The following NIBAN2 variants were observed in gnomAD, a reference collection of about 807,000 sequenced individuals.
NIBAN2 encodes the protein niban apoptosis regulator 2.
Under a neutral mutation model 81.8 loss-of-function variants are expected in NIBAN2, and 36 were observed. The ratio of observed to expected loss-of-function variants is 0.44; its 90% CI spans 0.34 to 0.58. The LOEUF (loss-of-function observed/expected upper bound fraction) is 0.58, where lower values mean the gene tolerates loss of function less well. Among genes scored for constraint, NIBAN2 ranks in the 20% least tolerant of loss-of-function variants. The pLI is 0.02. For missense variants in NIBAN2, 897 were observed against 1,014.1 expected (o/e 0.88, Z 1.57); for synonymous variants, 445 against 441.6 (o/e 1.01, Z -0.10).
At chr9:127,573,095 C>T (rs144731077), upstream of NIBAN2, among the ~76,000 whole-genome samples, 12 of 152,266 alleles carry the variant, frequency 7.9e-5, no homozygotes, top group East Asian at 2.1e-3. Flanking sequence ...TGTATGTATA[C>T]AGCAATCCTT....
chr9:127,528,494 G>T (rs1217865917), intron 2 of NIBAN2, among the ~76,000 whole-genome samples: 1 of 152,150 alleles, frequency 6.6e-6, no homozygotes, highest in Non-Finnish European at 1.5e-5. Flanking sequence ...TCCTGGCTCT[G>T]CGCTGGCCCA....
intron 3 of NIBAN2, among the ~76,000 whole-genome samples, chr9:127,525,968 A>T (rs192291208): frequency 6.6e-6 from 1 of 152,314 alleles, no homozygotes; most frequent in East Asian, 1.9e-4. Flanking sequence ...TAGCTCATAC[A>T]GCAGGGCTAC....
intron 1 of NIBAN2, among the ~76,000 whole-genome samples, chr9:127,538,615 A>T (rs1235166143): frequency 1.4e-5 from 2 of 143,450 alleles, no homozygotes; most frequent in Non-Finnish European, 3.0e-5. Context: ...AGACACAGTG[A>T]GACTCCATCT....
rs1428950849 is a variant in NIBAN2, at chr9:127,563,140, A to G, written c.55+5680T>C. 6.6e-6 allele frequency among the ~76,000 whole-genome samples: 1 copy of G among 152,102 alleles called. No homozygotes were observed. The highest frequency in any genetic ancestry group is 1.5e-5 in the Non-Finnish European group (1 of 68,008). ...CCCTTTGGCAGCGTGTGTGGGAAGG[A>G]CTAGAGGCTCCGAGGAGGCTGGAGC... On this transcript the variant is annotated intron_variant, in intron 1 of 13. Coordinates refer to ENST00000373312, the MANE Select transcript of NIBAN2 (RefSeq NM_022833.4). The surrounding 1 kb of genome is among the most constrained non-coding windows in gnomAD (Gnocchi z 4.1).
rs1387263891 is a variant in NIBAN2, at chr9:127,509,800, TCTCCTTCC to T, written c.1161+338_1161+345del. The T allele has an allele frequency of 6.1e-5, 2 of 32,872 alleles. 1 individual carries two copies. Among genetic ancestry groups the T allele is most frequent in the Admixed American group, 7.7e-4 (2 of 2,594 alleles). The allele number at this position is 32,872 out of a possible 1,614,324, so 2.0% of individuals were successfully genotyped here. ...CTCCTCTCCTTCCCTCCTTCCCTCC[TCTCCTTCC>T]CTCCTTCCCTCCTCTCCTTCCCTCC... On this transcript the variant is annotated intron_variant, in intron 9 of 13. Coordinates refer to ENST00000373312, the MANE Select transcript of NIBAN2 (RefSeq NM_022833.4).
chr9:127,564,512 T>C (rs1837824357), intron 1 of NIBAN2, among the ~76,000 whole-genome samples: 1 of 152,136 alleles, frequency 6.6e-6, no homozygotes, highest in Non-Finnish European at 1.5e-5. Flanking sequence ...TTGTGTGTTC[T>C]GACACAGAAA....
chr9:127,549,781 A>T (rs1034734882), intron 1 of NIBAN2, among the ~76,000 whole-genome samples: 1 of 152,206 alleles, frequency 6.6e-6, no homozygotes, highest in Non-Finnish European at 1.5e-5. Context: ...TCAAATAACA[A>T]GACTCCCTTG....
At chr9:127,521,022 C>T (rs532037930) in intron 5 of NIBAN2, among the ~76,000 whole-genome samples, 8 of 152,326 alleles carry the variant, frequency 5.3e-5, no homozygotes, top group African/African-American at 7.2e-5. Flanking sequence ...AGAGAGGTCT[C>T]GGAGAAACCA....
intron 1 of NIBAN2, among the ~76,000 whole-genome samples, chr9:127,558,191 C>A (rs1381504011): frequency 6.6e-6 from 1 of 152,178 alleles, no homozygotes; most frequent in African/African-American, 2.4e-5. Context: ...ACAGGCCCAT[C>A]TGTGAGGCCC....
upstream of NIBAN2, chr9:127,569,127 G>A: frequency 1.1e-6 from 1 of 869,650 alleles, no homozygotes; most frequent in Non-Finnish European, 1.3e-6. Flanking sequence ...CGCCCCACCA[G>A]ACCACGCCCC....
upstream of NIBAN2, among the ~76,000 whole-genome samples, chr9:127,573,940 G>C (rs937341374): frequency 6.6e-6 from 1 of 152,154 alleles, no homozygotes; most frequent in Non-Finnish European, 1.5e-5. Context: ...TTACAGGTAT[G>C]AGCCACCGTA....
intron 1 of NIBAN2, among the ~76,000 whole-genome samples, chr9:127,567,985 G>A (rs1002282683): frequency 3.9e-5 from 6 of 152,182 alleles, no homozygotes; most frequent in Admixed American, 1.3e-4. Context: ...TCAGGCAGCC[G>A]AGATCCTCAT....
rs117317544 is a variant in NIBAN2, at chr9:127,518,529, C to T, written c.590-588G>A. 2.1e-3 allele frequency among the ~76,000 whole-genome samples: 325 copies of T among 152,346 alleles called. 3 individuals are homozygous for T. The East Asian group carries it at 0.042, about 20-fold the overall frequency. On this transcript the variant is annotated intron_variant, in intron 5 of 13. Coordinates refer to ENST00000373312, the MANE Select transcript of NIBAN2 (RefSeq NM_022833.4). ...TACAGTCACAGCACAAAAACAGCCA[C>T]GGACCATCCAGAAACAAATGAGCGT...
upstream of NIBAN2, among the ~76,000 whole-genome samples, chr9:127,571,280 AC>A (rs1402523913): frequency 1.4e-5 from 2 of 144,680 alleles, no homozygotes; most frequent in Non-Finnish European, 2.9e-5. Context: ...CCAGGGTGGG[AC>A]CCCAGATGGG....
At chr9:127,520,469 C>T (rs1216903324) in intron 5 of NIBAN2, among the ~76,000 whole-genome samples, 2 of 152,162 alleles carry the variant, frequency 1.3e-5, no homozygotes, top group East Asian at 3.9e-4. Flanking sequence ...AACTCTTGAC[C>T]TCAAGAGATC....
At chr9:127,544,974 G>A (rs558515633) in intron 1 of NIBAN2, among the ~76,000 whole-genome samples, 1 of 152,150 alleles carries the variant, frequency 6.6e-6, no homozygotes, top group African/African-American at 2.4e-5. Context: ...GGGGAAATGG[G>A]GAAAAGCTGC....
At chr9:127,576,375 G>A (rs754578398) in intron 1 of NIBAN2, among the ~76,000 whole-genome samples, 1 of 152,066 alleles carries the variant, frequency 6.6e-6, no homozygotes, top group Non-Finnish European at 1.5e-5. Flanking sequence ...GCCTTCCCAG[G>A]CACAAATTCC....
At chr9:127,568,263 G>A (rs1274344299) in intron 1 of NIBAN2, among the ~76,000 whole-genome samples, 1 of 152,206 alleles carries the variant, frequency 6.6e-6, no homozygotes, top group Non-Finnish European at 1.5e-5. Flanking sequence ...CAACCCCACC[G>A]CCTCCGGGGC....
chr9:127,519,353 G>T (rs536004922), intron 5 of NIBAN2, among the ~76,000 whole-genome samples: 1 of 152,270 alleles, frequency 6.6e-6, no homozygotes, highest in South Asian at 2.1e-4. Context: ...CAATTGGCAG[G>T]AAGTTACAAA....
Sources: gnomAD v4.1 joint callset for allele counts (sites outside exome capture counted in the v4.1 genomes callset) on GRCh38, gnomAD v4.1.1 for gene constraint, Gnocchi (gnomAD v3.1) non-coding constraint, MANE v1.5 for transcripts, NCBI Gene and HGNC (gene_info 2026-07-23, HGNC 2026-07-21) for gene names.